The following SPATS2 variants were observed in gnomAD, a reference collection of about 807,000 sequenced individuals.
The protein encoded by SPATS2 is spermatogenesis-associated serine-rich protein 2.
In SPATS2, 38 loss-of-function variants were observed where a neutral mutation model predicts 63.7. The observed-to-expected ratio is 0.60, with a 90% CI of 0.46 to 0.78. SPATS2 has a LOEUF of 0.78. SPATS2 is among the 30% of genes least tolerant of loss of function. SPATS2 has a pLI of 0.00. For synonymous variants in SPATS2, 207 were observed against 232.9 expected (o/e 0.89, Z 1.01); for missense variants, 588 against 666.2 (o/e 0.88, Z 1.29).
At chr12:49,379,121 C>A (rs1158003149) in intron 2 of SPATS2, among the ~76,000 whole-genome samples, 2 of 150,310 alleles carry the variant, frequency 1.3e-5, no homozygotes, top group African/African-American at 4.9e-5. Flanking sequence ...AGGGTTTCTC[C>A]ATGTTGGTCA....
At chr12:49,387,638 C>CA (rs35910147) in intron 2 of SPATS2, among the ~76,000 whole-genome samples, 2,823 of 65,822 alleles carry the variant, frequency 0.043, 51 homozygotes, top group Middle Eastern at 0.08. Context: ...GACTCTGTCT[C>CA]AAAAAAAAAA....
At chr12:49,481,507 G>T (rs182723621) in intron 3 of SPATS2, among the ~76,000 whole-genome samples, 28 of 115,312 alleles carry the variant, frequency 2.4e-4, no homozygotes, top group African/African-American at 9.7e-4. Flanking sequence ...TTGCTCTGTC[G>T]CCCAGGCTGG....
At chr12:49,399,463 A>G (rs1198671028) in intron 2 of SPATS2, among the ~76,000 whole-genome samples, 1 of 152,222 alleles carries the variant, frequency 6.6e-6, no homozygotes, top group African/African-American at 2.4e-5. Flanking sequence ...AAGCTGGGAA[A>G]CTACATGAGA....
chr12:49,480,571 C>T, intron 3 of SPATS2, among the ~76,000 whole-genome samples: 1 of 152,092 alleles, frequency 6.6e-6, no homozygotes, highest in East Asian at 1.9e-4. Context: ...ATCTCAACGC[C>T]TACAGCAGTA....
At position 49,494,984 on chromosome 12, in the gene SPATS2, G is replaced by C. The variant is rs1442560004; in HGVS notation, c.508G>C (p.Asp170His). The change falls in exon 7 of 14, where the codon GAT (aspartate) becomes CAT (histidine). Residue 170 changes from aspartate to histidine, a missense_variant. By Grantham distance (81) the Asp-to-His change is moderately conservative (BLOSUM62 -1). Coordinates refer to ENST00000552918, the MANE Select transcript of SPATS2 (RefSeq NM_023071.4). ...GGAGGATCCCGAGTCTGCCATGCTA[G>C]ATACGCTGGATAGAACAGGTGAGTT... ...ELEDPESAMLDTLDRTGSMLQ... is the reference protein window; with the variant it reads ...ELEDPESAMLHTLDRTGSMLQ... 2 of 1,610,546 alleles carry C rather than the reference G, an allele frequency of 1.2e-6. No homozygotes were observed. Among genetic ancestry groups the C allele is most frequent in the South Asian group, 2.2e-5 (2 of 90,394 alleles).
chr12:49,458,795 C>G (rs1237960767), intron 2 of SPATS2, among the ~76,000 whole-genome samples: 1 of 151,214 alleles, frequency 6.6e-6, no homozygotes, highest in East Asian at 1.9e-4. Context: ...CTTTCTTTAC[C>G]CAGAAATCTT....
chr12:49,435,622 G>C (rs112754439), intron 2 of SPATS2, among the ~76,000 whole-genome samples: 1 of 150,704 alleles, frequency 6.6e-6, no homozygotes, highest in Non-Finnish European at 1.5e-5. Flanking sequence ...CACCGTGCCC[G>C]GCTACTGAAT....
At chr12:49,463,818 T>G (rs1298455716) in intron 3 of SPATS2, among the ~76,000 whole-genome samples, 1 of 152,236 alleles carries the variant, frequency 6.6e-6, no homozygotes, top group African/African-American at 2.4e-5. Flanking sequence ...TGTTTTCATA[T>G]TTTCCTTTTG....
In SPATS2 at chr12:49,416,770, C is replaced by T. The variant is rs892617642; in HGVS notation, c.-243-44000C>T. Among the ~76,000 whole-genome samples, 8 of 152,282 alleles carry T rather than the reference C, an allele frequency of 5.3e-5. No individual in the cohort carries two copies. The South Asian group carries it at 1.5e-3, about 28-fold the overall frequency. ...AAAGTGTTGGGATTACAGGCGTGAG[C>T]CACTGTGCCTGGCCTTTATCACCTT... is the stretch of plus-strand genomic sequence containing the variant. On this transcript the variant is annotated intron_variant, in intron 2 of 13. Transcript: ENST00000552918.
At chr12:49,402,883 A>G (rs1419177025) in intron 2 of SPATS2, among the ~76,000 whole-genome samples, 1 of 152,182 alleles carries the variant, frequency 6.6e-6, no homozygotes, top group Non-Finnish European at 1.5e-5. Flanking sequence ...CACTACGGAT[A>G]GGACTATAGA....
chr12:49,479,438 C>T (rs1037320566), intron 3 of SPATS2, among the ~76,000 whole-genome samples: 4 of 152,202 alleles, frequency 2.6e-5, no homozygotes, highest in African/African-American at 9.6e-5. Flanking sequence ...CAGGCACTTC[C>T]TAGCCTGTGA....
intron 2 of SPATS2, among the ~76,000 whole-genome samples, chr12:49,438,954 G>A (rs1028484407): frequency 1.3e-5 from 2 of 152,072 alleles, no homozygotes; most frequent in African/African-American, 4.8e-5. Flanking sequence ...TCCTATTGAG[G>A]GAGATAGACA....
intron 6 of SPATS2, among the ~76,000 whole-genome samples, chr12:49,492,219 CTTTTTTTTT>C (rs534727922): frequency 2.8e-5 from 4 of 144,256 alleles, no homozygotes; most frequent in African/African-American, 7.6e-5. Context: ...TTTCTTTTTT[CTTTTTTTTT>C]TTTCTTTTTG....
At chr12:49,436,344 G>A (rs1403385869) in intron 2 of SPATS2, among the ~76,000 whole-genome samples, 3 of 146,494 alleles carry the variant, frequency 2.0e-5, no homozygotes, top group Non-Finnish European at 3.0e-5. Context: ...CAGTAGGGGC[G>A]GCCGGGCAGA....
intron 9 of SPATS2, among the ~76,000 whole-genome samples, chr12:49,513,923 G>A (rs1286975076): frequency 6.6e-6 from 1 of 152,128 alleles, no homozygotes; most frequent in Non-Finnish European, 1.5e-5. Context: ...TTGGGAGGCC[G>A]AGGCGGGCGG....
At chr12:49,402,231 T>TAAA in intron 2 of SPATS2, among the ~76,000 whole-genome samples, 1 of 152,318 alleles carries the variant, frequency 6.6e-6, no homozygotes, top group African/African-American at 2.4e-5. Context: ...GGTTGGTGTT[T>TAAA]TGCCAGGCAG....
At chr12:49,383,158 C>G (rs929968787) in intron 2 of SPATS2, among the ~76,000 whole-genome samples, 1 of 151,886 alleles carries the variant, frequency 6.6e-6, no homozygotes, top group East Asian at 1.9e-4. Context: ...GCTGGGATTA[C>G]AGGCGCACAC....
intron 2 of SPATS2, among the ~76,000 whole-genome samples, chr12:49,376,432 C>T (rs148421352): frequency 1.5e-3 from 223 of 151,526 alleles, no homozygotes; most frequent in East Asian, 8.0e-3. Context: ...AGTCTTGCTT[C>T]GTCGCTCAAG....
chr12:49,519,525 G>A (rs1054408207), intron 11 of SPATS2, among the ~76,000 whole-genome samples: 1 of 152,134 alleles, frequency 6.6e-6, no homozygotes, highest in Non-Finnish European at 1.5e-5. Context: ...CCTCTTAACT[G>A]GTTCTGTTCA....
Sources: allele counts gnomAD v4.1 joint callset (sites outside exome capture counted in the v4.1 genomes callset), GRCh38; gene constraint gnomAD v4.1.1; transcripts MANE v1.5; gene names NCBI Gene and HGNC (gene_info 2026-07-23, HGNC 2026-07-21).